FABP12: variants seen among roughly 807,000 people sequenced by gnomAD.
The protein encoded by FABP12 is fatty acid binding protein 12, also known as fatty acid-binding protein 12.
In FABP12, 19 loss-of-function variants were observed where a neutral mutation model predicts 13.7. That is an observed-to-expected ratio of 1.39 (90% CI 0.97 to 2.04). The LOEUF is 2.04. Among genes scored for constraint, FABP12 ranks in the 30% most tolerant of loss-of-function variants. FABP12 has a pLI of 0.00. For synonymous variants in FABP12, 61 were observed against 57.0 expected (o/e 1.07, Z -0.32); for missense variants, 182 against 164.2 (o/e 1.11, Z -0.59).
At chr8:81,550,763 C>T (rs1809511934) in intron 1 of FABP12, among the ~76,000 whole-genome samples, 1 of 152,120 alleles carries the variant, frequency 6.6e-6, no homozygotes, top group Non-Finnish European at 1.5e-5. Context: ...ATTACCAAAC[C>T]TAGGTACCTT....
chr8:81,570,327 T>C (rs896843865), intron 1 of FABP12, among the ~76,000 whole-genome samples: 2 of 152,266 alleles, frequency 1.3e-5, no homozygotes, highest in Non-Finnish European at 2.9e-5. Flanking sequence ...GTTTGTCTTA[T>C]AGCAGCTCTT....
intron 1 of FABP12, among the ~76,000 whole-genome samples, chr8:81,547,223 GTGTT>G (rs1220197421): frequency 1.3e-5 from 2 of 152,344 alleles, no homozygotes; most frequent in South Asian, 4.1e-4. Flanking sequence ...ACCAAACTGT[GTGTT>G]TGTGTGAACA....
intron 1 of FABP12, among the ~76,000 whole-genome samples, chr8:81,575,892 A>G (rs967809128): frequency 1.3e-5 from 2 of 152,114 alleles, no homozygotes; most frequent in African/African-American, 4.8e-5. Context: ...GAATCTAACT[A>G]ATGCCTGATG....
chr8:81,532,113 C>T (rs931709574), intron 1 of FABP12, among the ~76,000 whole-genome samples: 1 of 152,166 alleles, frequency 6.6e-6, no homozygotes, highest in African/African-American at 2.4e-5. Flanking sequence ...ACTGTAAAAT[C>T]TCAGTGTCCA....
chr8:81,567,472 T>A (rs1809846110), intron 1 of FABP12, among the ~76,000 whole-genome samples: 1 of 152,108 alleles, frequency 6.6e-6, no homozygotes, highest in Non-Finnish European at 1.5e-5. Context: ...CATAGACCAG[T>A]GGGACACAAG....
intron 2 of FABP12, among the ~76,000 whole-genome samples, chr8:81,530,695 G>T (rs1014948729): frequency 6.6e-6 from 1 of 152,186 alleles, no homozygotes; most frequent in Non-Finnish European, 1.5e-5. Context: ...TACAGATGTG[G>T]TTAATTTAAG....
At chr8:81,531,603 A>G (rs1809077319) in intron 1 of FABP12, among the ~76,000 whole-genome samples, 1 of 152,184 alleles carries the variant, frequency 6.6e-6, no homozygotes, top group Admixed American at 6.5e-5. Context: ...TCAAAACTAA[A>G]TGTTACTTTC....
chr8:81,546,506 A>T (rs1251522772), intron 1 of FABP12, among the ~76,000 whole-genome samples: 1 of 151,318 alleles, frequency 6.6e-6, no homozygotes, highest in African/African-American at 2.4e-5. Flanking sequence ...ACAAAAAAAA[A>T]AAAAAAAGTA....
At chr8:81,538,225 G>T (rs1199770547), upstream of FABP12, among the ~76,000 whole-genome samples, 3 of 152,042 alleles carry the variant, frequency 2.0e-5, no homozygotes, top group Non-Finnish European at 4.4e-5. Flanking sequence ...CTGCCCCCAC[G>T]ACCTAAACAC....
At chr8:81,549,333 C>T (rs1809490067) in intron 1 of FABP12, among the ~76,000 whole-genome samples, 1 of 152,070 alleles carries the variant, frequency 6.6e-6, no homozygotes, top group East Asian at 1.9e-4. Flanking sequence ...TGACAGAATA[C>T]ATTAACAGAA....
chr8:81,533,927 A>C (rs1452929625), exon 1 of FABP12, among the ~76,000 whole-genome samples: 1 of 152,132 alleles, frequency 6.6e-6, no homozygotes, highest in Non-Finnish European at 1.5e-5. Flanking sequence ...CATAATGGAC[A>C]CTTCCAGATA....
chr8:81,535,802 A>G (rs927978968), upstream of FABP12, among the ~76,000 whole-genome samples: 4 of 152,136 alleles, frequency 2.6e-5, no homozygotes, highest in Non-Finnish European at 4.4e-5. Context: ...ATTGAGACAA[A>G]GGATTCTGGG....
At chr8:81,536,446 G>A (rs775248903), upstream of FABP12, among the ~76,000 whole-genome samples, 4 of 152,178 alleles carry the variant, frequency 2.6e-5, no homozygotes, top group South Asian at 2.1e-4. Context: ...TTATTTCAAC[G>A]AAGCAATTTG....
chr8:81,525,529 A>AT (rs1554576046), intron 4 of FABP12, among the ~76,000 whole-genome samples: 2,504 of 149,960 alleles, frequency 0.017, 74 homozygotes, highest in African/African-American at 0.059. Context: ...AAAAAAAAAA[A>AT]ATAGATAGAT....
At chr8:81,576,418 A>G (rs1810046638) in intron 1 of FABP12, among the ~76,000 whole-genome samples, 1 of 152,150 alleles carries the variant, frequency 6.6e-6, no homozygotes, top group African/African-American at 2.4e-5. Flanking sequence ...TTCTCTATCA[A>G]GTATTTTTTC....
chr8:81,568,129 C>CA (rs751713921), intron 1 of FABP12, among the ~76,000 whole-genome samples: 8,680 of 99,288 alleles, frequency 0.087, 553 homozygotes, highest in African/African-American at 0.23. Context: ...GACTCCGTCT[C>CA]AAAAAAAAAA....
chr8:81,561,221 T>C (rs1173206400), intron 1 of FABP12, among the ~76,000 whole-genome samples: 1 of 152,156 alleles, frequency 6.6e-6, no homozygotes, highest in Non-Finnish European at 1.5e-5. Context: ...TCCCACTCTT[T>C]CTGAAAGAAT....
intron 1 of FABP12, among the ~76,000 whole-genome samples, chr8:81,568,338 AAAG>A (rs1429647973): frequency 6.6e-6 from 1 of 152,246 alleles, no homozygotes; most frequent in Non-Finnish European, 1.5e-5. Context: ...ATATTTCTCA[AAAG>A]AAGACATACA....
chr8:81,559,574 G>T (rs529230763), intron 1 of FABP12, among the ~76,000 whole-genome samples: 1 of 152,266 alleles, frequency 6.6e-6, no homozygotes, highest in East Asian at 1.9e-4. Context: ...CCCTTGCCAT[G>T]AGTCTAGTTT....
Sources: allele counts gnomAD v4.1 joint callset (sites outside exome capture counted in the v4.1 genomes callset), GRCh38; gene constraint gnomAD v4.1.1; transcripts MANE v1.5; gene names NCBI Gene and HGNC (gene_info 2026-07-23, HGNC 2026-07-21).